SLC39A2: variants seen among roughly 807,000 people sequenced by gnomAD.
SLC39A2 encodes the protein solute carrier family 39 member 2.
A neutral mutation model predicts 18.0 loss-of-function variants in SLC39A2; 14 were observed. That is an observed-to-expected ratio of 0.78 (90% CI 0.51 to 1.22). SLC39A2 has a LOEUF of 1.22. Ranked by LOEUF, SLC39A2 falls within the 50% of genes most tolerant of loss-of-function variation. The pLI, the probability that SLC39A2 is intolerant of heterozygous loss-of-function variation, is 0.00. For missense variants in SLC39A2, 375 were observed against 370.6 expected (o/e 1.01, Z -0.10); for synonymous variants, 152 against 153.1 (o/e 0.99, Z 0.05).
Position 21,000,155 on chromosome 14 carries a change from G to T in SLC39A2, c.286G>T (p.Asp96Tyr), listed in dbSNP as rs1006289180. 6.2e-7 allele frequency: 1 copy of T among 1,612,504 alleles called. No individual in the cohort carries two copies. Among genetic ancestry groups the T allele is most frequent in the African/African-American group, 1.3e-5 (1 of 74,840 alleles). ...ASERNSSGDADSAHMEYPYGE... is the reference protein window; with the variant it reads ...ASERNSSGDAYSAHMEYPYGE... Reference sequence around the variant, plus strand: ...TGAGAGAAATTCTTCTGGTGATGCTGATTCAGCTCATGTAAGTACCTCCCA... The same window carrying T: ...TGAGAGAAATTCTTCTGGTGATGCTTATTCAGCTCATGTAAGTACCTCCCA... Residue 96 changes from aspartate (D) to tyrosine (Y), a missense_variant, in exon 3 of 4, where the codon GAT becomes TAT. Transcript: ENST00000298681.
chr14:21,000,510 C>T (rs1219406626), intron 3 of SLC39A2, among the ~76,000 whole-genome samples: 6 of 152,140 alleles, frequency 3.9e-5, no homozygotes, highest in Admixed American at 6.5e-5. Flanking sequence ...ATCTCTCTGT[C>T]GCCCAGACTG....
At position 21,001,179 on chromosome 14, in the gene SLC39A2, T is replaced by C. The variant is rs1228448642; in HGVS notation, c.530T>C (p.Val177Ala). Residue 177 changes from valine to alanine, a missense_variant, in exon 4 of 4, where the codon GTG becomes GCG. Val to Ala is a moderately conservative substitution (Grantham distance 64). Coordinates refer to ENST00000298681, the MANE Select transcript of SLC39A2 (RefSeq NM_014579.4). ...TTGCTGTCACTCTCCTTTCACTCAG[T>C]GTTTGAAGGGCTAGCTGTGGGGCTG... is the stretch of plus-strand genomic sequence containing the variant. ...VLLLSLSFHS[V>A]FEGLAVGLQP... The C allele has an allele frequency of 1.2e-6, 2 of 1,613,964 alleles. No homozygotes were observed. Among genetic ancestry groups the C allele is most frequent in the Non-Finnish European group, 1.7e-6 (2 of 1,180,012 alleles).
Position 21,000,955 on chromosome 14 carries a change from T to C in SLC39A2, c.306T>C (p.Tyr102=). 1 of 1,485,726 alleles carries C rather than the reference T, an allele frequency of 6.7e-7. No individual in the cohort carries two copies. Among genetic ancestry groups the C allele is most frequent in the Non-Finnish European group, 8.9e-7 (1 of 1,117,398 alleles). The allele number at this position is 1,485,726 out of a possible 1,614,324, so 92.0% of individuals were successfully genotyped here. ...CTTCTTTTTGTTTCTAGATGGAGTA[T>C]CCCTATGGAGAGCTCATCATCTCCC... ...SGDADSAHME[Y]PYGELIISLG... Residue 102 remains tyrosine (Y), a synonymous_variant, in exon 4 of 4, where the codon TAT becomes TAC. Transcript: ENST00000298681.
At position 21,000,147 on chromosome 14, in the gene SLC39A2, G is replaced by A. The variant is rs776140864; in HGVS notation, c.278G>A (p.Gly93Asp). 1.4e-5 allele frequency: 23 copies of A among 1,612,860 alleles called. No individual in the cohort carries two copies. Among genetic ancestry groups the A allele is most frequent in the Non-Finnish European group, 1.9e-5 (22 of 1,179,506 alleles). Residue 93 changes from glycine (G) to aspartate (D), a missense_variant, in exon 3 of 4, where the codon GGT becomes GAT. Transcript: ENST00000298681. ...NRSASERNSS[G>D]DADSAHMEYP... ...TCAGCAAGTGAGAGAAATTCTTCTG[G>A]TGATGCTGATTCAGCTCATGTAAGT...
At position 20,999,473 on chromosome 14, in the gene SLC39A2, T is replaced by G; in HGVS notation, c.27T>G (p.Leu9=). ...TGGAGCAACTACTAGGAATAAAACT[T>G]GGCTGCCTGTTTGCCCTGTTGGCTC... MEQLLGIK[L]GCLFALLALT... The change falls in exon 1 of 4, where the codon CTT becomes CTG. Residue 9 remains leucine, a synonymous_variant. Coordinates refer to ENST00000298681, the MANE Select transcript of SLC39A2 (RefSeq NM_014579.4). 3 of 1,614,152 alleles carry G rather than the reference T, an allele frequency of 1.9e-6. No homozygotes were observed. Among genetic ancestry groups the G allele is most frequent in the Non-Finnish European group, 2.5e-6 (3 of 1,180,022 alleles).
Position 21,000,175 on chromosome 14 carries a change from C to T in SLC39A2, c.297+9C>T, listed in dbSNP as rs186378155. 78 of 1,605,236 alleles carry T rather than the reference C, an allele frequency of 4.9e-5. No individual in the cohort carries two copies. The East Asian group carries it at 1.7e-3, about 35-fold the overall frequency. Reference sequence around the variant, plus strand: ...ATGCTGATTCAGCTCATGTAAGTACCTCCCACCATCCCCTATCTGGAGAGT... The same window carrying T: ...ATGCTGATTCAGCTCATGTAAGTACTTCCCACCATCCCCTATCTGGAGAGT... On this transcript the variant is annotated intron_variant, in intron 3 of 3. Coordinates refer to ENST00000298681, the MANE Select transcript of SLC39A2 (RefSeq NM_014579.4).
At position 21,001,650 on chromosome 14, in the gene SLC39A2, C is replaced by CCA; in HGVS notation, c.*71_*72insCA. On this transcript the variant is annotated 3_prime_UTR_variant, in exon 4 of 4. Transcript: ENST00000298681. ...ATCCCCAGGGAGACCTCCCAAATGGCTTTGACCCTCAGACATTTCTTTACT... is the reference window on the plus strand; with the variant it reads ...ATCCCCAGGGAGACCTCCCAAATGGCCATTTGACCCTCAGACATTTCTTTACT... 7.0e-7 allele frequency: 1 copy of CCA among 1,434,634 alleles called. No individual in the cohort carries two copies. The highest frequency in any genetic ancestry group is 9.4e-7 in the Non-Finnish European group (1 of 1,065,744). 88.9% of individuals were successfully genotyped at this position (1,434,634 alleles called of 1,614,324 possible).
At chr14:21,000,223 C>T (rs1425829989) in intron 3 of SLC39A2, 57 bp downstream of exon 3, 1 of 1,279,470 alleles carries the variant, frequency 7.8e-7, no homozygotes, top group Non-Finnish European at 1.1e-6. Context: ...AGAGGCCTTT[C>T]ATATCCAGAC....
chr14:21,000,921 C>T, intron 3 of SLC39A2, 26 bp from the exon 4 acceptor site: 1 of 1,444,078 alleles, frequency 6.9e-7, no homozygotes, highest in African/African-American at 1.4e-5. Flanking sequence ...TCCTTTCCAT[C>T]TCACAGCCCT....
chr14:21,000,036 G>A (rs137929896), intron 2 of SLC39A2, 80 bp from the exon 3 acceptor site: 1 of 1,471,492 alleles, frequency 6.8e-7, no homozygotes, highest in African/African-American at 1.4e-5. Flanking sequence ...AGGCTTTAAG[G>A]AAAACAGAAT....
chr14:20,999,863 C>A lies in SLC39A2; in HGVS notation c.237C>A (p.Phe79Leu). The A allele has an allele frequency of 1.2e-6, 2 of 1,613,926 alleles. No individual in the cohort carries two copies. Among genetic ancestry groups the A allele is most frequent in the Non-Finnish European group, 1.7e-6 (2 of 1,180,010 alleles). ...LEEIESQIQK[F>L]MVQNRSASER... ...AAATTGAATCACAGATTCAGAAGTT[C>A]ATGGTGCAGGTGAGAGCAGAGATTT... Residue 79 changes from phenylalanine (F) to leucine (L), a missense_variant, in exon 2 of 4, where the codon TTC becomes TTA. By Grantham distance (22) the Phe-to-Leu change is conservative. Coordinates refer to ENST00000298681, the MANE Select transcript of SLC39A2 (RefSeq NM_014579.4).
At position 21,001,409 on chromosome 14, in the gene SLC39A2, C is replaced by G. The variant is rs554255537; in HGVS notation, c.760C>G (p.Arg254Gly). 1 of 1,613,828 alleles carries G rather than the reference C, an allele frequency of 6.2e-7. No individual in the cohort carries two copies. Among genetic ancestry groups the G allele is most frequent in the African/African-American group, 1.3e-5 (1 of 74,930 alleles). Residue 254 changes from arginine (R) to glycine (G), a missense_variant, in exon 4 of 4, where the codon CGG becomes GGG. Coordinates refer to ENST00000298681, the MANE Select transcript of SLC39A2 (RefSeq NM_014579.4). ...GACTGGAGGGGACTCTGAAGGAGGG[C>G]GGGGCTTAGCCCAGGCTGTGTTAGA... ...AVTGGDSEGGRGLAQAVLEGV... is the reference protein window; with the variant it reads ...AVTGGDSEGGGGLAQAVLEGV...
rs1271639688 is a variant in SLC39A2, at chr14:21,001,351, G to A, written c.702G>A (p.Met234Ile). ...TCTCCATACTATTATTAGCTCTCAT[G>A]TCCCCCCTGGGCCTAGCCGTAGGGC... ...AVFSILLLAL[M>I]SPLGLAVGLA... Residue 234 changes from methionine (M) to isoleucine (I), a missense_variant, in exon 4 of 4, where the codon ATG becomes ATA. Transcript: ENST00000298681. 21 of 1,614,088 alleles carry A rather than the reference G, an allele frequency of 1.3e-5. No individual in the cohort carries two copies. The highest frequency in any genetic ancestry group is 1.6e-5 in the Non-Finnish European group (19 of 1,180,038).
At chr14:20,999,670 G>T in intron 1 of SLC39A2, 72 bp from the exon 2 acceptor site, 1 of 1,594,814 alleles carries the variant, frequency 6.3e-7, no homozygotes, top group South Asian at 1.1e-5. Context: ...ATTGAGTGCT[G>T]CCTGCTGCTC....
Position 20,999,478 on chromosome 14 carries a change from G to A in SLC39A2, c.32G>A (p.Cys11Tyr), listed in dbSNP as rs1446263690. ...CAACTACTAGGAATAAAACTTGGCTGCCTGTTTGCCCTGTTGGCTCTCACT... is the reference window on the plus strand; with the variant it reads ...CAACTACTAGGAATAAAACTTGGCTACCTGTTTGCCCTGTTGGCTCTCACT... MEQLLGIKLG[C>Y]LFALLALTLG... The change falls in exon 1 of 4, where the codon TGC becomes TAC. Residue 11 changes from cysteine (C) to tyrosine (Y), a missense_variant. Coordinates refer to ENST00000298681, the MANE Select transcript of SLC39A2 (RefSeq NM_014579.4). 3 of 1,614,140 alleles carry A rather than the reference G, an allele frequency of 1.9e-6. No homozygotes were observed. The Admixed American group carries it at 5.0e-5, about 27-fold the overall frequency.
chr14:21,000,797 G>A lies in SLC39A2; in HGVS notation c.298-150G>A, dbSNP rs28461738. 9.5e-3 allele frequency: 5,928 copies of A among 625,904 alleles called. 277 individuals are homozygous for A. The African/African-American group carries it at 0.096, about 10-fold the overall frequency. 38.8% of individuals were successfully genotyped at this position (625,904 alleles called of 1,614,324 possible). On this transcript the variant is annotated intron_variant, in intron 3 of 3. Transcript: ENST00000298681. ...CACTCTGGCATTCTTGTTGTTGCATGGCCATGTCTACTCTTGGCTTCATTT... is the reference window on the plus strand; with the variant it reads ...CACTCTGGCATTCTTGTTGTTGCATAGCCATGTCTACTCTTGGCTTCATTT...
Position 21,001,302 on chromosome 14 carries a change from G to A in SLC39A2, c.653G>A (p.Gly218Asp), listed in dbSNP as rs1387095940. The A allele has an allele frequency of 6.2e-7, 1 of 1,614,210 alleles. No individual in the cohort carries two copies. The change falls in exon 4 of 4, where the codon GGT becomes GAT. Residue 218 changes from glycine to aspartate, a missense_variant. By Grantham distance (94) the Gly-to-Asp change is moderately conservative. Transcript: ENST00000298681. ...GTAGGAATGCGGCTAGTGCATTTAG[G>A]TACCAGCTCACGATGGGCAGTGTTC... ...FGVGMRLVHL[G>D]TSSRWAVFSI...
chr14:20,999,594 T>C (rs1414837966), intron 1 of SLC39A2, 33 bp downstream of exon 1: 7 of 1,595,250 alleles, frequency 4.4e-6, no homozygotes, highest in African/African-American at 1.3e-5. Context: ...TTCCATAGCC[T>C]GAGTCTCACC....
rs1880524381 is a variant in SLC39A2, at chr14:20,999,314, A to G, written c.-133A>G. The G allele has an allele frequency of 1.5e-6, 1 of 670,208 alleles. No individual in the cohort carries two copies. Among genetic ancestry groups the G allele is most frequent in the East Asian group, 2.6e-5 (1 of 37,822 alleles). The allele number at this position is 670,208 out of a possible 1,614,324, so 41.5% of individuals were successfully genotyped here. On this transcript the variant is annotated 5_prime_UTR_variant, in exon 1 of 4. Coordinates refer to ENST00000298681, the MANE Select transcript of SLC39A2 (RefSeq NM_014579.4). ...CTGCAGAAGCAGAAGCAACACAGAAAGAAGATACCAACAGCCTCCTGAAAC... is the reference window on the plus strand; with the variant it reads ...CTGCAGAAGCAGAAGCAACACAGAAGGAAGATACCAACAGCCTCCTGAAAC...
Sources: allele counts gnomAD v4.1 joint callset (sites outside exome capture counted in the v4.1 genomes callset), GRCh38; gene constraint gnomAD v4.1.1; transcripts MANE v1.5; gene names NCBI Gene and HGNC (gene_info 2026-07-23, HGNC 2026-07-21).